Variants in LUZP2 observed in about 807,000 individuals in gnomAD.
The protein encoded by LUZP2 is leucine zipper protein 2.
LUZP2 carries 52 observed loss-of-function variants against 51.6 expected under a neutral mutation model. The ratio of observed to expected loss-of-function variants is 1.01; its 90% CI spans 0.81 to 1.27. The LOEUF (loss-of-function observed/expected upper bound fraction) is 1.27. LUZP2 is among the 50% of genes most tolerant of loss of function. The probability of loss-of-function intolerance (pLI) is 0.00; values close to 1 mark genes in which losing one functional copy is unlikely to be tolerated. For synonymous variants in LUZP2, 154 were observed against 137.3 expected (o/e 1.12, Z -0.85); for missense variants, 436 against 395.4 (o/e 1.10, Z -0.87).
At chr11:25,020,266 A>C (rs4348849) in intron 9 of LUZP2, among the ~76,000 whole-genome samples, 1 of 151,662 alleles carries the variant, frequency 6.6e-6, no homozygotes, top group South Asian at 2.1e-4. Flanking sequence ...AGTGCTACTA[A>C]TATCATTTGC....
At chr11:24,744,621 T>G (rs186881813) in intron 4 of LUZP2, among the ~76,000 whole-genome samples, 649 of 152,278 alleles carry the variant, frequency 4.3e-3, no homozygotes, top group African/African-American at 0.014. Flanking sequence ...TTAATCGTGC[T>G]AATATTCTAT....
In LUZP2 at chr11:24,897,704, CAGTG is replaced by C. The variant is rs201496401; in HGVS notation, c.397-8284_397-8281del. On this transcript the variant is annotated intron_variant, in intron 5 of 11. Transcript: ENST00000336930. The stretch of plus-strand genomic sequence containing the variant: ...GCGACTGTGGCTTCCTTCTTGAAGT[CAGTG>C]AGACCAAGAACCCACCAATTTCGGA... Among the ~76,000 whole-genome samples, 1,128 of 152,290 alleles carry C rather than the reference CAGTG, an allele frequency of 7.4e-3. 18 individuals carry two copies. Among genetic ancestry groups the C allele is most frequent in the African/African-American group, 0.025 (1,052 of 41,556 alleles).
chr11:24,625,699 T>C, intron 1 of LUZP2, among the ~76,000 whole-genome samples: 1 of 150,998 alleles, frequency 6.6e-6, no homozygotes, highest in East Asian at 1.9e-4. Flanking sequence ...AATGACTGTA[T>C]TATCTAAAAA....
rs917930819 is a variant in LUZP2 at position 24,679,280 on chromosome 11, CATGTT to C, written c.63-49887_63-49883del. The stretch of plus-strand genomic sequence containing the variant: ...CATAATGTGTTAAAATTTTTCATGA[CATGTT>C]AGGTATTCAACACATGGTTACTTCA... On this transcript the variant is annotated intron_variant, in intron 1 of 11. Coordinates refer to ENST00000336930, the MANE Select transcript of LUZP2 (RefSeq NM_001009909.4). Among the ~76,000 whole-genome samples the C allele has an allele frequency of 2.0e-5, 3 of 152,182 alleles. No homozygotes were observed. The East Asian group carries it at 5.8e-4, about 29-fold the overall frequency.
chr11:24,868,975 C>T (rs1377536582), intron 5 of LUZP2, among the ~76,000 whole-genome samples: 2 of 152,140 alleles, frequency 1.3e-5, no homozygotes, highest in Non-Finnish European at 2.9e-5. Context: ...AGAATATTCT[C>T]ATTGTAATGA....
At chr11:24,971,821 C>T (rs572602360) in intron 7 of LUZP2, among the ~76,000 whole-genome samples, 1 of 151,686 alleles carries the variant, frequency 6.6e-6, no homozygotes, top group Non-Finnish European at 1.5e-5. Flanking sequence ...GGATTTTTAC[C>T]AGGTAAAAAA....
intron 5 of LUZP2, among the ~76,000 whole-genome samples, chr11:24,883,943 T>C (rs1407981834): frequency 6.6e-6 from 1 of 152,034 alleles, no homozygotes; most frequent in Admixed American, 6.6e-5. Context: ...TTAATTACTC[T>C]AGTCCCTCAA....
chr11:24,618,584 T>C (rs1184912183), intron 1 of LUZP2, among the ~76,000 whole-genome samples: 1 of 152,240 alleles, frequency 6.6e-6, no homozygotes, highest in Non-Finnish European at 1.5e-5. Context: ...TCTACTTGTC[T>C]ATATATTACA....
intron 1 of LUZP2, among the ~76,000 whole-genome samples, chr11:24,552,788 G>A (rs903529141): frequency 6.6e-6 from 1 of 151,504 alleles, no homozygotes; most frequent in Non-Finnish European, 1.5e-5. Context: ...TCCTGACAAG[G>A]ACTATAAATG....
At chr11:24,728,074 G>C (rs941371361) in intron 1 of LUZP2, among the ~76,000 whole-genome samples, 1 of 151,788 alleles carries the variant, frequency 6.6e-6, no homozygotes, top group Non-Finnish European at 1.5e-5. Flanking sequence ...TGAAAATGTG[G>C]GTAAGTTAAC....
At chr11:24,569,882 A>ATTTTT (rs1852377300) in intron 1 of LUZP2, among the ~76,000 whole-genome samples, 1 of 151,868 alleles carries the variant, frequency 6.6e-6, no homozygotes, top group Non-Finnish European at 1.5e-5. Context: ...ATAAGTAATT[A>ATTTTT]TGGCTTTGGA....
chr11:24,579,683 C>T (rs139684587), intron 1 of LUZP2, among the ~76,000 whole-genome samples: 2 of 152,054 alleles, frequency 1.3e-5, no homozygotes, highest in South Asian at 2.1e-4. Context: ...TCATATAATA[C>T]ATTGATTAGG....
intron 1 of LUZP2, among the ~76,000 whole-genome samples, chr11:24,657,938 T>C (rs1213509934): frequency 2.0e-5 from 3 of 152,096 alleles, no homozygotes; most frequent in Non-Finnish European, 2.9e-5. Context: ...CACAAACAAA[T>C]GGAAGACCAT....
chr11:24,730,962 C>A (rs1858690768), intron 2 of LUZP2, among the ~76,000 whole-genome samples: 1 of 151,710 alleles, frequency 6.6e-6, no homozygotes, highest in Non-Finnish European at 1.5e-5. Context: ...ACACTTTGAA[C>A]TTTAACTCCT....
intron 1 of LUZP2, among the ~76,000 whole-genome samples, chr11:24,587,584 G>T (rs1233453058): frequency 6.6e-6 from 1 of 152,080 alleles, no homozygotes; most frequent in Non-Finnish European, 1.5e-5. Flanking sequence ...CATGAAGCTA[G>T]CTGTGAAATA....
chr11:24,559,024 G>A (rs1002006634), intron 1 of LUZP2, among the ~76,000 whole-genome samples: 1 of 152,104 alleles, frequency 6.6e-6, no homozygotes, highest in Non-Finnish European at 1.5e-5. Context: ...GGTCGTAAAA[G>A]TAGACTTCAG....
At chr11:24,558,224 C>G (rs901388464) in intron 1 of LUZP2, among the ~76,000 whole-genome samples, 1 of 152,092 alleles carries the variant, frequency 6.6e-6, no homozygotes, top group African/African-American at 2.4e-5. Context: ...TTAGACTGAG[C>G]CTAACACTGT....
At chr11:24,675,948 A>T (rs1428278143) in intron 1 of LUZP2, among the ~76,000 whole-genome samples, 3 of 151,858 alleles carry the variant, frequency 2.0e-5, no homozygotes, top group Non-Finnish European at 4.4e-5. Flanking sequence ...CTTCCTGAGC[A>T]TCTGGGATTA....
At chr11:24,765,131 A>G (rs1469214862) in intron 5 of LUZP2, among the ~76,000 whole-genome samples, 1 of 152,296 alleles carries the variant, frequency 6.6e-6, no homozygotes, top group East Asian at 1.9e-4. Context: ...TTTCAATTTT[A>G]CTCCTTTATA....
Sources: allele counts gnomAD v4.1 joint callset (sites outside exome capture counted in the v4.1 genomes callset), GRCh38; gene constraint gnomAD v4.1.1; transcripts MANE v1.5; gene names NCBI Gene and HGNC (gene_info 2026-07-23, HGNC 2026-07-21).